FAM117A: variants seen among roughly 807,000 people sequenced by gnomAD.
FAM117A encodes family with sequence similarity 117 member A, also known as protein FAM117A.
A neutral mutation model predicts 44.1 loss-of-function variants in FAM117A; 21 were observed. The observed-to-expected ratio is 0.48, with a 90% CI of 0.34 to 0.69. The LOEUF is 0.69. Ranked by LOEUF, FAM117A falls within the 30% of genes least tolerant of loss-of-function variation. The probability of loss-of-function intolerance (pLI) is 0.01; values close to 1 mark genes in which losing one functional copy is unlikely to be tolerated. For missense variants in FAM117A, 498 were observed against 589.9 expected, an observed-to-expected ratio of 0.84 and a Z score of 1.61; for synonymous variants, 220 against 238.3, an observed-to-expected ratio of 0.92 and a Z score of 0.71.
At chr17:49,763,820 C>CCCCA in intron 1 of FAM117A, 72 bp downstream of exon 1, 1 of 448,564 alleles carries the variant, frequency 2.2e-6, no homozygotes, top group Non-Finnish European at 3.2e-6. Context: ...TCTCCCCGTC[C>CCCCA]CCCTCCCGCG....
intron 3 of FAM117A, among the ~76,000 whole-genome samples, chr17:49,721,856 G>A (rs1257713415): frequency 6.6e-6 from 1 of 152,118 alleles, no homozygotes; most frequent in Non-Finnish European, 1.5e-5. Flanking sequence ...TTGGGATGCT[G>A]AGGCTTGCAG....
At chr17:49,780,994 C>T (rs2073788098) in intron 1 of FAM117A, among the ~76,000 whole-genome samples, 1 of 152,092 alleles carries the variant, frequency 6.6e-6, no homozygotes, top group Non-Finnish European at 1.5e-5. Context: ...CCATGCCCGG[C>T]TAATTTTTGT....
In FAM117A at chr17:49,720,376, C is replaced by T; in HGVS notation, c.523G>A (p.Glu175Lys). 3 of 1,613,922 alleles carry T rather than the reference C, an allele frequency of 1.9e-6. No individual in the cohort carries two copies. The highest frequency in any genetic ancestry group is 1.7e-6 in the Non-Finnish European group (2 of 1,180,022). ...TKLSRSGKEK[E>K]RGSPLLGDHA... ...TCCCCTAGGAGTGGTGAACCTCGCTCCTTCTCTTTCCCACTGCGGCTCAGC... is the reference window on the plus strand; with the variant it reads ...TCCCCTAGGAGTGGTGAACCTCGCTTCTTCTCTTTCCCACTGCGGCTCAGC... Residue 175 changes from glutamate to lysine, a missense_variant, in exon 4 of 8, where the codon GAG (glutamate) becomes AAG (lysine). By Grantham distance (56) the Glu-to-Lys change is moderately conservative. Around this residue, in one of 3 missense-constraint regions of FAM117A, gnomAD observed 270 missense variants for 277.4 expected, o/e 0.97. Coordinates refer to ENST00000240364, the MANE Select transcript of FAM117A (RefSeq NM_030802.4).
intron 1 of FAM117A, among the ~76,000 whole-genome samples, chr17:49,746,145 G>T (rs1045262056): frequency 1.3e-5 from 2 of 152,220 alleles, no homozygotes; most frequent in East Asian, 3.8e-4. Flanking sequence ...ATGTGCATAT[G>T]TGGGTATGTC....
Position 49,722,599 on chromosome 17 carries a change from A to G in FAM117A, c.367-5T>C, listed in dbSNP as rs1389375503. Reference sequence around the variant, plus strand: ...CTCTTGCCAGGACAGGGGCGTCTGCAGGGAGAGAAACACAGTGAGACACAG... The same window carrying G: ...CTCTTGCCAGGACAGGGGCGTCTGCGGGGAGAGAAACACAGTGAGACACAG... On this transcript the variant is annotated splice_region_variant and splice_polypyrimidine_tract_variant and intron_variant, in intron 2 of 7. Coordinates refer to ENST00000240364, the MANE Select transcript of FAM117A (RefSeq NM_030802.4). The G allele has an allele frequency of 6.2e-7, 1 of 1,612,748 alleles. No homozygotes were observed. Among genetic ancestry groups the G allele is most frequent in the South Asian group, 1.1e-5 (1 of 90,860 alleles).
chr17:49,737,571 G>C (rs2143745497), intron 1 of FAM117A, among the ~76,000 whole-genome samples: 1 of 152,284 alleles, frequency 6.6e-6, no homozygotes, highest in Non-Finnish European at 1.5e-5. Context: ...AGGTTTCCTG[G>C]AGCTGCTTCT....
chr17:49,717,771 C>T, intron 5 of FAM117A, 57 bp from the exon 6 acceptor site: 1 of 1,406,738 alleles, frequency 7.1e-7, no homozygotes, highest in Non-Finnish European at 9.7e-7. Flanking sequence ...CCTGCAGCAG[C>T]ACAGTGACCC....
Position 49,727,436 on chromosome 17 carries a change from T to C in FAM117A, c.367-4842A>G, listed in dbSNP as rs571308938. On this transcript the variant is annotated intron_variant, in intron 2 of 7. Transcript: ENST00000240364. ...AAAAGAAAAAGAACAAAAAGTTGTT[T>C]GTCAGGGGGAGTCATGCACTGGAAC... 2.0e-5 allele frequency among the ~76,000 whole-genome samples: 3 copies of C among 152,206 alleles called. No homozygotes were observed. The South Asian group carries it at 6.2e-4, about 32-fold the overall frequency.
At chr17:49,770,053 C>T (rs895117371) in intron 1 of FAM117A, among the ~76,000 whole-genome samples, 7 of 151,908 alleles carry the variant, frequency 4.6e-5, no homozygotes, top group African/African-American at 7.3e-5. Flanking sequence ...GGGCAGATCA[C>T]GAGGTCAGGA....
intron 1 of FAM117A, among the ~76,000 whole-genome samples, chr17:49,741,198 A>G (rs945377788): frequency 6.6e-6 from 1 of 152,168 alleles, no homozygotes; most frequent in African/African-American, 2.4e-5. Context: ...TGGTTCAACA[A>G]ACAAGTTATG....
intron 1 of FAM117A, among the ~76,000 whole-genome samples, chr17:49,744,823 G>A (rs2143758876): frequency 6.6e-6 from 1 of 151,364 alleles, no homozygotes; most frequent in South Asian, 2.1e-4. Flanking sequence ...AGACCAGCCT[G>A]TGCAATATAA....
intron 1 of FAM117A, among the ~76,000 whole-genome samples, chr17:49,772,991 G>A (rs1490179590): frequency 6.6e-6 from 1 of 151,856 alleles, no homozygotes; most frequent in Non-Finnish European, 1.5e-5. Flanking sequence ...CCAACATGGT[G>A]AAACCCCGTC....
At chr17:49,752,353 C>T (rs961277624) in intron 1 of FAM117A, among the ~76,000 whole-genome samples, 1 of 152,142 alleles carries the variant, frequency 6.6e-6, no homozygotes, top group Non-Finnish European at 1.5e-5. Flanking sequence ...ACAGATCCTG[C>T]GCCCCCCAGG....
intron 2 of FAM117A, chr17:49,724,289 A>G (rs11079874): frequency 0.89 from 403,668 of 452,054 alleles, 180,669 homozygotes; most frequent in South Asian, 0.95. Context: ...CACCCCCCAC[A>G]CAAACCTGTT....
intron 1 of FAM117A, among the ~76,000 whole-genome samples, chr17:49,735,160 T>C (rs2073605121): frequency 6.6e-6 from 1 of 152,068 alleles, no homozygotes; most frequent in Non-Finnish European, 1.5e-5. Flanking sequence ...GTTAAAATAG[T>C]GAGTATATAT....
At chr17:49,742,001 C>T (rs2073636445) in intron 1 of FAM117A, among the ~76,000 whole-genome samples, 1 of 152,150 alleles carries the variant, frequency 6.6e-6, no homozygotes, top group Non-Finnish European at 1.5e-5. Context: ...GAGCTGCAAA[C>T]ACTTCTTTAA....
chr17:49,762,306 A>G (rs899478717), intron 1 of FAM117A, among the ~76,000 whole-genome samples: 1 of 152,230 alleles, frequency 6.6e-6, no homozygotes, highest in African/African-American at 2.4e-5. Context: ...AGGAAGCCCA[A>G]ACAAAACCAA....
intron 7 of FAM117A, 43 bp downstream of exon 7, chr17:49,716,122 G>GGCCC: frequency 7.6e-6 from 12 of 1,580,828 alleles, no homozygotes; most frequent in Non-Finnish European, 1.0e-5. Flanking sequence ...GAGAATGTAG[G>GGCCC]CCCACCCTCC....
chr17:49,776,146 G>T (rs546469345), intron 1 of FAM117A, among the ~76,000 whole-genome samples: 1 of 152,138 alleles, frequency 6.6e-6, no homozygotes, highest in Non-Finnish European at 1.5e-5. Context: ...GAAGAATGGC[G>T]CTTCTACTTG....
Sources: allele counts gnomAD v4.1 joint callset (sites outside exome capture counted in the v4.1 genomes callset), GRCh38; gene constraint gnomAD v4.1.1; regional missense constraint gnomAD v4.1.1; transcripts MANE v1.5; gene names NCBI Gene and HGNC (gene_info 2026-07-23, HGNC 2026-07-21).